Variants in SLC4A7 observed in about 807,000 individuals in gnomAD.
SLC4A7 encodes sodium bicarbonate cotransporter 3.
SLC4A7 carries 51 observed loss-of-function variants against 137.6 expected under a neutral mutation model. That is an observed-to-expected ratio of 0.37 (90% CI 0.30 to 0.47). The LOEUF is 0.47. Among genes scored for constraint, SLC4A7 ranks in the 20% least tolerant of loss-of-function variants. The probability of loss-of-function intolerance (pLI) is 1.00; values close to 1 mark genes in which losing one functional copy is unlikely to be tolerated. For missense variants in SLC4A7, 1,247 were observed against 1,525.4 expected (o/e 0.82, Z 3.04); for synonymous variants, 542 against 518.6 (o/e 1.05, Z -0.61).
intron 23 of SLC4A7, among the ~76,000 whole-genome samples, chr3:27,385,641 T>C (rs915981646): frequency 6.6e-6 from 1 of 152,214 alleles, no homozygotes; most frequent in Admixed American, 6.5e-5. Flanking sequence ...AAAGTATTAC[T>C]GTGTCAGAGC....
intron 7 of SLC4A7, among the ~76,000 whole-genome samples, chr3:27,428,497 G>C (rs552021917): frequency 9.8e-5 from 15 of 152,294 alleles, no homozygotes; most frequent in African/African-American, 3.6e-4. Context: ...ACTTCCAAAA[G>C]TATATCCTTT....
In SLC4A7 at chr3:27,386,016, G is replaced by A. The variant is rs1015184499; in HGVS notation, c.3368C>T (p.Ala1123Val). 1 of 1,597,582 alleles carries A rather than the reference G, an allele frequency of 6.3e-7. No homozygotes were observed. The highest frequency in any genetic ancestry group is 1.1e-5 in the South Asian group (1 of 87,102). Reference protein sequence around the residue: ...AAVVFPMMVLALVFVRKLMDL... With the variant: ...AAVVFPMMVLVLVFVRKLMDL... ...CATGAGTTTGCGCACAAACACTAAT[G>A]CAAGAACCTTTAAAAAGTGGGGAAG... is the stretch of plus-strand genomic sequence containing the variant. The change falls in exon 23 of 26, where the codon GCA becomes GTA. Residue 1123 changes from alanine (A) to valine (V), a missense_variant. Ala to Val is a moderately conservative substitution (Grantham distance 64, BLOSUM62 0). This residue lies in a region of SLC4A7 where 290 missense variants were observed against 323.8 expected (regional missense o/e 0.90). Coordinates refer to ENST00000454389, the MANE Select transcript of SLC4A7 (RefSeq NM_001321103.2).
intron 25 of SLC4A7, 44 bp from the exon 26 acceptor site, chr3:27,376,889 A>G: frequency 1.0e-6 from 1 of 992,540 alleles, no homozygotes. Context: ...TAAAATATAA[A>G]TATTCAATTC....
intron 7 of SLC4A7, among the ~76,000 whole-genome samples, chr3:27,424,696 A>G (rs2055365381): frequency 6.6e-6 from 1 of 152,196 alleles, no homozygotes; most frequent in Admixed American, 6.5e-5. Flanking sequence ...TATGTCTATA[A>G]TACCTATTGT....
In SLC4A7 at chr3:27,409,424, A is replaced by G; in HGVS notation, c.1873T>C (p.Tyr625His). 1 of 1,613,930 alleles carries G rather than the reference A, an allele frequency of 6.2e-7. No homozygotes were observed. The highest frequency in any genetic ancestry group is 8.5e-7 in the Non-Finnish European group (1 of 1,179,844). ...ATTACAGGAGACATACAGGCACAGT[A>G]TAGGAAAAGAATCGAGGCCAGGCAC... Reference protein sequence around the residue: ...LQCLASILFLYCACMSPVITF... With the variant: ...LQCLASILFLHCACMSPVITF... The change falls in exon 13 of 26, where the codon TAC (tyrosine) becomes CAC (histidine). Residue 625 changes from tyrosine to histidine, a missense_variant. Around this residue, in one of 6 missense-constraint regions of SLC4A7, gnomAD observed 499 missense variants for 664.2 expected, o/e 0.75. Coordinates refer to ENST00000454389, the MANE Select transcript of SLC4A7 (RefSeq NM_001321103.2).
chr3:27,443,218 C>T (rs1559781281), intron 3 of SLC4A7, among the ~76,000 whole-genome samples: 2 of 151,456 alleles, frequency 1.3e-5, no homozygotes, highest in African/African-American at 2.4e-5. Flanking sequence ...TTAGTAGAGA[C>T]GTGGTTTCAC....
intron 3 of SLC4A7, among the ~76,000 whole-genome samples, chr3:27,447,366 C>G (rs2057736065): frequency 2.0e-5 from 3 of 152,148 alleles, no homozygotes; most frequent in Non-Finnish European, 4.4e-5. Context: ...ACAGAATTTG[C>G]ACTTTAGATT....
intron 1 of SLC4A7, among the ~76,000 whole-genome samples, chr3:27,464,768 G>A (rs1409576691): frequency 6.6e-6 from 1 of 152,062 alleles, no homozygotes; most frequent in Non-Finnish European, 1.5e-5. Flanking sequence ...AAGTAAAAAG[G>A]GCTCCCAAGA....
At chr3:27,382,662 A>G (rs2050543515) in intron 24 of SLC4A7, among the ~76,000 whole-genome samples, 1 of 152,190 alleles carries the variant, frequency 6.6e-6, no homozygotes, top group Non-Finnish European at 1.5e-5. Context: ...TTTGAAAACT[A>G]AGAGACTTCT....
chr3:27,450,133 T>C (rs1163257251), intron 2 of SLC4A7, among the ~76,000 whole-genome samples: 1 of 152,178 alleles, frequency 6.6e-6, no homozygotes, highest in Non-Finnish European at 1.5e-5. Flanking sequence ...GCTGCCAATA[T>C]ATTAACCTCA....
chr3:27,432,765 C>T (rs1056612164), intron 6 of SLC4A7, among the ~76,000 whole-genome samples: 1 of 152,202 alleles, frequency 6.6e-6, no homozygotes, highest in African/African-American at 2.4e-5. Context: ...GAGCAAATTA[C>T]AATTGGACAA....
At chr3:27,423,966 T>A (rs760733730) in intron 8 of SLC4A7, 71 bp downstream of exon 8, 1 of 907,664 alleles carries the variant, frequency 1.1e-6, no homozygotes, top group South Asian at 1.4e-5. Flanking sequence ...GTTAATAATA[T>A]TAGCCACAAA....
chr3:27,421,170 A>C (rs1035631538), intron 9 of SLC4A7, among the ~76,000 whole-genome samples: 5 of 151,994 alleles, frequency 3.3e-5, no homozygotes, highest in Admixed American at 1.3e-4. Context: ...TCTTATATTC[A>C]AAGTATTTGG....
intron 10 of SLC4A7, among the ~76,000 whole-genome samples, chr3:27,420,455 G>T (rs2054851696): frequency 6.6e-6 from 1 of 151,836 alleles, no homozygotes; most frequent in African/African-American, 2.4e-5. Flanking sequence ...AGTTCAAGAA[G>T]GTAGTCAATA....
chr3:27,409,627 G>T, intron 12 of SLC4A7, 97 bp from the exon 13 acceptor site: 2 of 842,756 alleles, frequency 2.4e-6, no homozygotes, highest in Non-Finnish European at 3.7e-6. Context: ...TGGTGCCTAG[G>T]TGTTTTGTCA....
intron 25 of SLC4A7, 97 bp from the exon 26 acceptor site, chr3:27,376,942 C>T: frequency 2.2e-6 from 1 of 451,144 alleles, no homozygotes; most frequent in South Asian, 7.7e-5. Context: ...TCTGAGATTA[C>T]TATTAACACT....
At position 27,420,791 on chromosome 3, in the gene SLC4A7, A is replaced by C. The variant is rs372527521; in HGVS notation, c.1425-4T>G. 1.2e-6 allele frequency: 2 copies of C among 1,601,884 alleles called. No homozygotes were observed. The highest frequency in any genetic ancestry group is 1.7e-6 in the Non-Finnish European group (2 of 1,169,564). ...ACCCAATAACAAAAACAAAAACCTA[A>C]GGAAATATGAAAATACAGATTTTAA... On this transcript the variant is annotated splice_polypyrimidine_tract_variant and splice_region_variant and intron_variant, in intron 9 of 25. Transcript: ENST00000454389.
intron 5 of SLC4A7, 102 bp from the exon 6 acceptor site, chr3:27,434,206 A>G: frequency 1.4e-6 from 1 of 708,496 alleles, no homozygotes; most frequent in African/African-American, 1.8e-5. Context: ...AACCTTAAAT[A>G]GCTCTAGAAA....
At chr3:27,455,552 C>T (rs182534228) in intron 1 of SLC4A7, among the ~76,000 whole-genome samples, 2 of 150,274 alleles carry the variant, frequency 1.3e-5, no homozygotes, top group East Asian at 2.0e-4. Flanking sequence ...TGTTTTCATG[C>T]GTAACTTGCA....
Sources: allele counts gnomAD v4.1 joint callset (sites outside exome capture counted in the v4.1 genomes callset), GRCh38; gene constraint gnomAD v4.1.1; regional missense constraint gnomAD v4.1.1; transcripts MANE v1.5; gene names NCBI Gene and HGNC (gene_info 2026-07-23, HGNC 2026-07-21).